The following DHX37 variants were observed in gnomAD, a reference collection of about 807,000 sequenced individuals.
The protein encoded by DHX37 is DEAH-box helicase 37, also known as probable ATP-dependent RNA helicase DHX37.
In DHX37, 52 loss-of-function variants were observed where a neutral mutation model predicts 134.3. That is an observed-to-expected ratio of 0.39 (90% confidence interval 0.31 to 0.49). DHX37 has a LOEUF of 0.49. DHX37 is among the 20% of genes least tolerant of loss of function. The probability of loss-of-function intolerance (pLI) is 0.93; values close to 1 mark genes in which losing one functional copy is unlikely to be tolerated. For synonymous variants in DHX37, 634 were observed against 670.7 expected, an observed-to-expected ratio of 0.95 and a Z score of 0.85; for missense variants, 1,344 against 1,580.8, an observed-to-expected ratio of 0.85 and a Z score of 2.54.
rs1954115187 is a variant in DHX37 at position 124,957,108 on chromosome 12, G to C, written c.2185C>G (p.Pro729Ala). The stretch of plus-strand genomic sequence containing the variant: ...GCGGCAAGAAGGGCTTCCACGGAGG[G>C]GGGCGTCGGGAAGGGGAAGTTGATG... Reference protein sequence around the residue: ...KVINFPFPTPPSVEALLAAEE... With the variant: ...KVINFPFPTPASVEALLAAEE... The change falls in exon 17 of 27, where the codon CCC (proline) becomes GCC (alanine). Residue 729 changes from proline to alanine, a missense_variant. Coordinates refer to ENST00000308736, the MANE Select transcript of DHX37 (RefSeq NM_032656.4). 1 of 1,497,062 alleles carries C rather than the reference G, an allele frequency of 6.7e-7. No individual in the cohort carries two copies. The highest frequency in any genetic ancestry group is 8.9e-7 in the Non-Finnish European group (1 of 1,126,498). The allele number at this position is 1,497,062 out of a possible 1,614,324, so 92.7% of individuals were successfully genotyped here. A position where few individuals can be genotyped will look rare whatever the true frequency, so the allele number is the denominator to read the frequency against.
intron 18 of DHX37, 55 bp downstream of exon 18, chr12:124,956,636 A>G (rs12298675): frequency 0.091 from 134,588 of 1,480,122 alleles, 14,063 homozygotes; most frequent in African/African-American, 0.54. Flanking sequence ...CTCTCAGCCC[A>G]GAGCCCCCGT....
chr12:124,958,012 T>C (rs1459512932), intron 16 of DHX37, among the ~76,000 whole-genome samples: 1 of 152,194 alleles, frequency 6.6e-6, no homozygotes, highest in Non-Finnish European at 1.5e-5. Flanking sequence ...CCACGCATTG[T>C]AGGATTCCAT....
chr12:124,986,813 TC>T (rs2135975820), intron 1 of DHX37, among the ~76,000 whole-genome samples: 1 of 152,076 alleles, frequency 6.6e-6, no homozygotes, highest in South Asian at 2.1e-4. Context: ...TGGCGCAATC[TC>T]AGCTCACTTC....
intron 16 of DHX37, 91 bp from the exon 17 acceptor site, chr12:124,957,226 C>T: frequency 8.2e-7 from 1 of 1,223,926 alleles, no homozygotes; most frequent in South Asian, 1.9e-5. Context: ...CTCCCTCCAA[C>T]CCCTCTCTCC....
At chr12:124,968,799 G>T in intron 9 of DHX37, 68 bp downstream of exon 9, 2 of 1,603,360 alleles carry the variant, frequency 1.2e-6, no homozygotes, top group Non-Finnish European at 1.7e-6. Flanking sequence ...AGGTCTCTCA[G>T]GGGGCTCCCG....
At chr12:124,951,989 C>T (rs1784660667) in intron 21 of DHX37, among the ~76,000 whole-genome samples, 1 of 152,082 alleles carries the variant, frequency 6.6e-6, no homozygotes, top group Non-Finnish European at 1.5e-5. Flanking sequence ...AAAACAACAA[C>T]AACAAAATTA....
chr12:124,952,702 A>G (rs371436214), intron 20 of DHX37, 132 bp from the exon 21 acceptor site: 24 of 937,084 alleles, frequency 2.6e-5, no homozygotes, highest in African/African-American at 1.3e-4. Context: ...CCCTCCCCAG[A>G]GGCCACCAGC....
rs201536758 is a variant in DHX37, at chr12:124,965,741, T to C, written c.1662A>G (p.Ala554=). 81 of 1,614,036 alleles carry C rather than the reference T, an allele frequency of 5.0e-5. No homozygotes were observed. In the East Asian group the frequency reaches 1.8e-3, roughly 35 times the overall value. The part of the protein sequence containing the change: ...PAGEGDEDRE[A]EVDEEEGALD... Reference sequence around the variant, plus strand: ...GGGCCCCCTCTTCCTCATCCACTTCTGCCTCCCTGTCCTCATCGCCTTCGC... The same window carrying C: ...GGGCCCCCTCTTCCTCATCCACTTCCGCCTCCCTGTCCTCATCGCCTTCGC... Residue 554 remains alanine (A), a synonymous_variant, in exon 13 of 27, where the codon GCA becomes GCG. Transcript: ENST00000308736.
chr12:124,976,089 C>A (rs1033991851), intron 5 of DHX37, among the ~76,000 whole-genome samples: 3 of 152,276 alleles, frequency 2.0e-5, no homozygotes, highest in Admixed American at 6.5e-5. Context: ...TTAGGCGACC[C>A]CAGTAACAGC....
At chr12:124,952,842 C>G (rs1000376547) in intron 20 of DHX37, 12 of 278,544 alleles carry the variant, frequency 4.3e-5, no homozygotes, top group Non-Finnish European at 7.4e-5. Flanking sequence ...CCCTAACACC[C>G]AGGTGGCCTC....
At chr12:124,981,438 A>G (rs138085726) in intron 3 of DHX37, among the ~76,000 whole-genome samples, 12 of 152,234 alleles carry the variant, frequency 7.9e-5, no homozygotes, top group African/African-American at 2.9e-4. Flanking sequence ...TCGTCCAACT[A>G]GTCGAGACTA....
chr12:124,947,967 CA>C (rs1188450843), intron 26 of DHX37, 80 bp from the exon 27 acceptor site: 11 of 1,611,648 alleles, frequency 6.8e-6, no homozygotes, highest in Non-Finnish European at 8.5e-6. Flanking sequence ...AGCTGGCCAG[CA>C]GCCGTGGGGC....
intron 8 of DHX37, among the ~76,000 whole-genome samples, chr12:124,970,097 C>T (rs1313390875): frequency 1.3e-5 from 2 of 152,206 alleles, no homozygotes; most frequent in African/African-American, 4.8e-5. Flanking sequence ...CTCAGCCTCC[C>T]GAGTAGTTGA....
chr12:124,971,842 C>T (rs866800810), intron 7 of DHX37, among the ~76,000 whole-genome samples: 4 of 152,216 alleles, frequency 2.6e-5, no homozygotes, highest in Admixed American at 6.5e-5. Context: ...TCTGGACACG[C>T]GTGCCACCCA....
chr12:124,967,145 T>C lies in DHX37; in HGVS notation c.1482A>G (p.Pro494=). Residue 494 remains proline (P), a synonymous_variant, in exon 11 of 27, where the codon CCA becomes CCG. Transcript: ENST00000308736. ...ALCRRLRKAF[P]PSRARPQEKD... ...TACCTTGTGGCCGGGCTCTGGAGGG[T>C]GGGAAAGCCTTCCTGAGCCTGCGGC... The C allele has an allele frequency of 6.2e-7, 1 of 1,613,656 alleles. No homozygotes were observed. The highest frequency in any genetic ancestry group is 1.7e-5 in the Admixed American group (1 of 60,016).
chr12:124,977,280 C>T (rs1954667073), intron 5 of DHX37, 62 bp downstream of exon 5: 1 of 1,457,834 alleles, frequency 6.9e-7, no homozygotes, highest in Non-Finnish European at 9.1e-7. Flanking sequence ...CTCTTATCGA[C>T]CTTTCAGGGC....
At position 124,948,129 on chromosome 12, in the gene DHX37, C is replaced by T. The variant is rs1378479866; in HGVS notation, c.3343G>A (p.Asp1115Asn). ...GCAGCCAGCAAGGCTTCATGGCAGT[C>T]AGCCTTCTCTGCAACCAGGGCTCGC... Reference protein sequence around the residue: ...LLRALVAEKADCHEALLAAWK... With the variant: ...LLRALVAEKANCHEALLAAWK... The change falls in exon 26 of 27, where the codon GAC becomes AAC. Residue 1115 changes from aspartate (D) to asparagine (N), a missense_variant. This residue lies in a region of DHX37 where 558 missense variants were observed against 650.0 expected (regional missense o/e 0.86). Transcript: ENST00000308736. 1.2e-6 allele frequency: 2 copies of T among 1,614,248 alleles called. No individual in the cohort carries two copies. The highest frequency in any genetic ancestry group is 2.2e-5 in the East Asian group (1 of 44,884).
In DHX37 at chr12:124,982,142, AAAC is replaced by A. The variant is rs1261958774; in HGVS notation, c.389+366_389+368del. 1.3e-3 allele frequency among the ~76,000 whole-genome samples: 201 copies of A among 151,960 alleles called. 2 individuals are homozygous for A. The highest frequency in any genetic ancestry group is 4.7e-3 in the African/African-American group (193 of 41,440). ...TGTCTCAAAAAAAAAAAACAAAAAA[AAAC>A]ACGACACAAACCAAACCAAACCCGC... On this transcript the variant is annotated intron_variant, in intron 3 of 26. Coordinates refer to ENST00000308736, the MANE Select transcript of DHX37 (RefSeq NM_032656.4).
At chr12:124,964,822 G>T in intron 14 of DHX37, 108 bp downstream of exon 14, 3 of 1,439,196 alleles carry the variant, frequency 2.1e-6, no homozygotes, top group Non-Finnish European at 2.8e-6. Context: ...AAAACTCTGG[G>T]GATGCTGATC....
Sources: gnomAD v4.1 joint callset for allele counts (sites outside exome capture counted in the v4.1 genomes callset) on GRCh38, gnomAD v4.1.1 for gene constraint, gnomAD v4.1.1 regional missense constraint, MANE v1.5 for transcripts, NCBI Gene and HGNC (gene_info 2026-07-23, HGNC 2026-07-21) for gene names.